FAT3: variants seen among roughly 807,000 people sequenced by gnomAD.
The protein encoded by FAT3 is protocadherin Fat 3.
FAT3 carries 95 observed loss-of-function variants against 310.2 expected under a neutral mutation model. The observed-to-expected ratio is 0.31, with a 90% CI of 0.26 to 0.36. FAT3 has a LOEUF of 0.36. Ranked by LOEUF, FAT3 falls within the 10% of genes least tolerant of loss-of-function variation. The probability of loss-of-function intolerance (pLI) is 1.00; values close to 1 mark genes in which losing one functional copy is unlikely to be tolerated. For missense variants in FAT3, 5,408 were observed against 5,715.6 expected, an observed-to-expected ratio of 0.95 and a Z score of 1.74; for synonymous variants, 2,314 against 2,192.9, an observed-to-expected ratio of 1.06 and a Z score of -1.54.
chr11:92,838,585 G>T (rs915364017), intron 17 of FAT3, among the ~76,000 whole-genome samples: 1 of 152,168 alleles, frequency 6.6e-6, no homozygotes, highest in African/African-American at 2.4e-5. Context: ...AGGACTTAGA[G>T]AAGACAGAGT....
intron 6 of FAT3, among the ~76,000 whole-genome samples, chr11:92,773,094 C>G (rs192090103): frequency 4.6e-5 from 7 of 152,126 alleles, no homozygotes; most frequent in African/African-American, 1.7e-4. Context: ...TGAACATACA[C>G]TCATGCTTAA....
intron 2 of FAT3, among the ~76,000 whole-genome samples, chr11:92,379,441 T>A (rs548474622): frequency 1.3e-5 from 2 of 152,148 alleles, no homozygotes; most frequent in Non-Finnish European, 2.9e-5. Flanking sequence ...AAGGCCCCCA[T>A]GATGATGAGC....
At chr11:92,233,499 A>G (rs1449283693) in intron 1 of FAT3, among the ~76,000 whole-genome samples, 2 of 152,208 alleles carry the variant, frequency 1.3e-5, no homozygotes, top group Non-Finnish European at 1.5e-5. Flanking sequence ...CATGGAGCAT[A>G]TTAAATAAAT....
intron 3 of FAT3, among the ~76,000 whole-genome samples, chr11:92,630,420 A>G (rs1031117942): frequency 6.6e-6 from 1 of 152,204 alleles, no homozygotes; most frequent in African/African-American, 2.4e-5. Flanking sequence ...ACCCACAGGT[A>G]CTTACAACTT....
At chr11:92,557,556 A>G (rs1591446195) in intron 3 of FAT3, among the ~76,000 whole-genome samples, 1 of 152,158 alleles carries the variant, frequency 6.6e-6, no homozygotes, top group Non-Finnish European at 1.5e-5. Flanking sequence ...CAGGCCACTG[A>G]TCTCCTTAGC....
chr11:92,290,806 G>T (rs1229499008), intron 1 of FAT3, among the ~76,000 whole-genome samples: 1 of 151,776 alleles, frequency 6.6e-6, no homozygotes, highest in Non-Finnish European at 1.5e-5. Flanking sequence ...TTTAAAAGAG[G>T]TATTCTGAGA....
intron 26 of FAT3, 21 bp downstream of exon 26, chr11:92,889,269 A>G (rs1397858801): frequency 1.4e-6 from 1 of 695,644 alleles, no homozygotes; most frequent in South Asian, 1.6e-5. Flanking sequence ...TTTTTCTTCC[A>G]TAGCATTTCT....
intron 3 of FAT3, among the ~76,000 whole-genome samples, chr11:92,629,703 G>A (rs1213625616): frequency 6.6e-6 from 1 of 152,080 alleles, no homozygotes; most frequent in Non-Finnish European, 1.5e-5. Context: ...GAGCCAATGT[G>A]TCCAACCTCC....
chr11:92,843,107 T>C (rs1948591160), intron 18 of FAT3, among the ~76,000 whole-genome samples: 1 of 150,736 alleles, frequency 6.6e-6, no homozygotes, highest in Admixed American at 6.6e-5. Flanking sequence ...AGATATGTAG[T>C]GGGTGACAGA....
At chr11:92,339,251 C>T (rs1948175503) in intron 1 of FAT3, among the ~76,000 whole-genome samples, 1 of 152,170 alleles carries the variant, frequency 6.6e-6, no homozygotes, top group Non-Finnish European at 1.5e-5. Context: ...CCTGCAGCAT[C>T]ATTCTCATTG....
At chr11:92,355,758 T>G (rs938145726) in intron 2 of FAT3, among the ~76,000 whole-genome samples, 1 of 152,238 alleles carries the variant, frequency 6.6e-6, no homozygotes, top group African/African-American at 2.4e-5. Flanking sequence ...TAAATTACAT[T>G]TGAATTGGCT....
rs529255610 is a variant in FAT3 at position 92,896,393 on chromosome 11, A to C, written c.*5280A>C. 2.6e-5 allele frequency: 4 copies of C among 152,212 alleles called. No individual in the cohort carries two copies. In the East Asian group the frequency reaches 5.8e-4, roughly 22 times the overall value. The allele number at this position is 152,212 out of a possible 1,614,324, so 9.4% of individuals were successfully genotyped here. On this transcript the variant is annotated 3_prime_UTR_variant, in exon 28 of 28. Coordinates refer to ENST00000525166, the MANE Select transcript of FAT3 (RefSeq NM_001367949.2). Reference sequence around the variant, plus strand: ...AAAGAAACAACAACAACAAAAAAAAACACAACAGTGTACAGGTTTGTAACT... The same window carrying C: ...AAAGAAACAACAACAACAAAAAAAACCACAACAGTGTACAGGTTTGTAACT...
Position 92,844,415 on chromosome 11 carries a change from A to G in FAT3, c.11048A>G (p.Asp3683Gly), listed in dbSNP as rs778648174. ...AATGCAGTCCTCACCCAGAAGCAGG[A>G]CAGCCTGCGCATCATCAGCATCCAG... ...LRNAVLTQKQ[D>G]SLRIISIQPV... The change falls in exon 19 of 28, where the codon GAC (aspartate) becomes GGC (glycine). Residue 3683 changes from aspartate to glycine, a missense_variant. Transcript: ENST00000525166. 1 of 1,613,978 alleles carries G rather than the reference A, an allele frequency of 6.2e-7. No homozygotes were observed. The highest frequency in any genetic ancestry group is 1.1e-5 in the South Asian group (1 of 91,086).
chr11:92,456,271 G>A (rs1221057588), intron 2 of FAT3, among the ~76,000 whole-genome samples: 1 of 152,140 alleles, frequency 6.6e-6, no homozygotes, highest in Non-Finnish European at 1.5e-5. Flanking sequence ...AAATGTTCAG[G>A]AGCAATTAGC....
At chr11:92,804,683 G>T (rs1947453642) in intron 10 of FAT3, among the ~76,000 whole-genome samples, 1 of 152,204 alleles carries the variant, frequency 6.6e-6, no homozygotes, top group African/African-American at 2.4e-5. Context: ...GAAGAGCGCA[G>T]CTGTATGATA....
At chr11:92,409,628 AT>A (rs940904864) in intron 2 of FAT3, among the ~76,000 whole-genome samples, 1 of 152,082 alleles carries the variant, frequency 6.6e-6, no homozygotes, top group South Asian at 2.1e-4. Context: ...AATTATTATC[AT>A]TTTTTTGGTC....
chr11:92,343,684 T>C (rs947266951), intron 1 of FAT3, among the ~76,000 whole-genome samples: 1 of 152,210 alleles, frequency 6.6e-6, no homozygotes, highest in African/African-American at 2.4e-5. Flanking sequence ...CAGCAAATTA[T>C]GGAGCAGTTG....
At chr11:92,779,254 G>A (rs1946676689) in intron 7 of FAT3, among the ~76,000 whole-genome samples, 1 of 152,102 alleles carries the variant, frequency 6.6e-6, no homozygotes, top group African/African-American at 2.4e-5. Context: ...GCACTACGAA[G>A]CCATTTTAAG....
At chr11:92,430,588 T>C (rs495762) in intron 2 of FAT3, among the ~76,000 whole-genome samples, 135,440 of 151,924 alleles carry the variant, frequency 0.89, 60,440 homozygotes, top group Admixed American at 0.91. Context: ...TATACATGTG[T>C]CATGTTGGTG....
Sources: gnomAD v4.1 joint callset for allele counts (sites outside exome capture counted in the v4.1 genomes callset) on GRCh38, gnomAD v4.1.1 for gene constraint, MANE v1.5 for transcripts, NCBI Gene and HGNC (gene_info 2026-07-23, HGNC 2026-07-21) for gene names.